TRPM7: variants seen among roughly 807,000 people sequenced by gnomAD.
TRPM7 encodes the protein LTRPC ion channel family member 7.
A neutral mutation model predicts 229.7 loss-of-function variants in TRPM7; 134 were observed. That is an observed-to-expected ratio of 0.58 (90% confidence interval 0.51 to 0.67). The LOEUF is 0.67. Ranked by LOEUF, TRPM7 falls within the 30% of genes least tolerant of loss-of-function variation. The pLI is 0.00. For synonymous variants in TRPM7, 699 were observed against 715.2 expected (o/e 0.98, Z 0.36); for missense variants, 1,901 against 2,210.0 (o/e 0.86, Z 2.80).
rs568338559 is a variant in TRPM7 at position 50,667,622 on chromosome 15, G to C, written c.4-4576C>G. Among the ~76,000 whole-genome samples, 26 of 152,282 alleles carry C rather than the reference G, an allele frequency of 1.7e-4. No homozygotes were observed. The South Asian group carries it at 5.4e-3, about 32-fold the overall frequency. On this transcript the variant is annotated intron_variant, in intron 1 of 38. Coordinates refer to ENST00000646667, the MANE Select transcript of TRPM7 (RefSeq NM_017672.6). The stretch of plus-strand genomic sequence containing the variant: ...CTAGGGAAGCTGAGGCAGGAGAATC[G>C]CTTGAACCCAGGAGGTGGAGGTAAC...
intron 1 of TRPM7, among the ~76,000 whole-genome samples, chr15:50,663,434 C>T (rs1286762364): frequency 6.6e-6 from 1 of 152,056 alleles, no homozygotes; most frequent in African/African-American, 2.4e-5. Flanking sequence ...CCCATAAACA[C>T]TTCTATACTA....
At chr15:50,673,026 C>T (rs2062024344) in intron 1 of TRPM7, among the ~76,000 whole-genome samples, 2 of 144,858 alleles carry the variant, frequency 1.4e-5, no homozygotes, top group Admixed American at 6.9e-5. Flanking sequence ...AAAATGTTTA[C>T]AAATCTGTTA....
At chr15:50,634,353 AAT>A (rs2060826580) in intron 8 of TRPM7, 27 bp downstream of exon 8, 2 of 1,418,898 alleles carry the variant, frequency 1.4e-6, no homozygotes, top group African/African-American at 3.0e-5. Flanking sequence ...AAATAAATAA[AAT>A]TAATTAAAAT....
intron 20 of TRPM7, among the ~76,000 whole-genome samples, chr15:50,606,966 C>T (rs1409697072): frequency 6.6e-6 from 1 of 152,084 alleles, no homozygotes; most frequent in African/African-American, 2.4e-5. Flanking sequence ...TTTTTATAGG[C>T]TACATTTCTA....
At chr15:50,657,165 A>C (rs1015724046) in intron 3 of TRPM7, among the ~76,000 whole-genome samples, 3 of 152,118 alleles carry the variant, frequency 2.0e-5, no homozygotes, top group African/African-American at 7.2e-5. Context: ...TTCTACTAAG[A>C]ATACAAAAAT....
intron 3 of TRPM7, among the ~76,000 whole-genome samples, chr15:50,651,566 G>C (rs1469278686): frequency 6.6e-6 from 1 of 152,162 alleles, no homozygotes; most frequent in African/African-American, 2.4e-5. Flanking sequence ...GGAGGCCGAG[G>C]CAGGTGGATT....
intron 21 of TRPM7, among the ~76,000 whole-genome samples, chr15:50,599,962 C>T (rs184878219): frequency 6.6e-6 from 1 of 152,130 alleles, no homozygotes; most frequent in Admixed American, 6.5e-5. Context: ...GAGCTAAAAC[C>T]TAGTAATTCA....
chr15:50,580,942 C>T, intron 29 of TRPM7, 34 bp from the exon 30 acceptor site: 5 of 1,558,242 alleles, frequency 3.2e-6, no homozygotes, highest in Non-Finnish European at 4.3e-6. Context: ...CACACAAAAA[C>T]CTTAAAGACA....
At chr15:50,648,501 C>T (rs986535756) in intron 4 of TRPM7, among the ~76,000 whole-genome samples, 186 bp downstream of exon 4, 3 of 152,116 alleles carry the variant, frequency 2.0e-5, no homozygotes, top group African/African-American at 7.2e-5. Context: ...AAACAAAACA[C>T]ATTTTATAAT....
intron 7 of TRPM7, among the ~76,000 whole-genome samples, chr15:50,637,119 C>G (rs1204971920): frequency 1.4e-5 from 2 of 141,008 alleles, no homozygotes; most frequent in Admixed American, 1.5e-4. Flanking sequence ...GAGCGAGACT[C>G]CGCCTCAAAG....
chr15:50,572,124 A>T (rs951560564), intron 36 of TRPM7, among the ~76,000 whole-genome samples: 1 of 152,146 alleles, frequency 6.6e-6, no homozygotes, highest in African/African-American at 2.4e-5. Context: ...TCTCTACAAA[A>T]ATTTTTAAAA....
intron 16 of TRPM7, 137 bp from the exon 17 acceptor site, chr15:50,611,458 A>C: frequency 1.5e-6 from 1 of 678,972 alleles, no homozygotes; most frequent in African/African-American, 1.8e-5. Context: ...TTAAAACCAT[A>C]ACTCTGTTTT....
intron 3 of TRPM7, among the ~76,000 whole-genome samples, chr15:50,649,336 G>C (rs984912838): frequency 6.6e-6 from 1 of 151,820 alleles, no homozygotes; most frequent in African/African-American, 2.4e-5. Flanking sequence ...CTACACAGGA[G>C]ACTAAGGTGG....
chr15:50,630,897 A>G (rs2060711449), intron 10 of TRPM7, among the ~76,000 whole-genome samples: 1 of 152,102 alleles, frequency 6.6e-6, no homozygotes, highest in Non-Finnish European at 1.5e-5. Flanking sequence ...ATACAGCGGC[A>G]TGATCACAGC....
At chr15:50,577,500 T>G (rs1411343341) in intron 31 of TRPM7, among the ~76,000 whole-genome samples, 1 of 151,980 alleles carries the variant, frequency 6.6e-6, no homozygotes, top group Non-Finnish European at 1.5e-5. Flanking sequence ...TGAGCCAAGA[T>G]CACACCACTA....
At chr15:50,601,386 G>GT (rs776409516) in intron 21 of TRPM7, among the ~76,000 whole-genome samples, 1 of 152,220 alleles carries the variant, frequency 6.6e-6, no homozygotes, top group Non-Finnish European at 1.5e-5. Flanking sequence ...GCTCACGCCT[G>GT]TAATCCCAGC....
At chr15:50,590,821 C>CT (rs1287353462) in intron 26 of TRPM7, among the ~76,000 whole-genome samples, 5 of 108,850 alleles carry the variant, frequency 4.6e-5, no homozygotes, top group African/African-American at 1.3e-4. Flanking sequence ...GAGACTCCGT[C>CT]TTTTAAAAAA....
At chr15:50,578,686 T>C (rs753822996) in intron 30 of TRPM7, 22 bp from the exon 31 acceptor site, 3 of 1,580,192 alleles carry the variant, frequency 1.9e-6, no homozygotes, top group African/African-American at 1.3e-5. Flanking sequence ...CCAAAAAATA[T>C]AGTATAAGCT....
intron 1 of TRPM7, among the ~76,000 whole-genome samples, chr15:50,673,694 T>A (rs972228730): frequency 6.6e-6 from 1 of 152,132 alleles, no homozygotes; most frequent in African/African-American, 2.4e-5. Context: ...GGCATTTGAG[T>A]TGGTTCCACA....
Sources: allele counts gnomAD v4.1 joint callset (sites outside exome capture counted in the v4.1 genomes callset), GRCh38; gene constraint gnomAD v4.1.1; transcripts MANE v1.5; gene names NCBI Gene and HGNC (gene_info 2026-07-23, HGNC 2026-07-21).